The following DIAPH3 variants were observed in gnomAD, a reference collection of about 807,000 sequenced individuals.
The protein encoded by DIAPH3 is protein diaphanous homolog 3.
DIAPH3 carries 117 observed loss-of-function variants against 144.3 expected under a neutral mutation model. That is an observed-to-expected ratio of 0.81 (90% CI 0.70 to 0.95). DIAPH3 has a LOEUF of 0.95. Ranked by LOEUF, DIAPH3 falls within the 40% of genes least tolerant of loss-of-function variation. The pLI is 0.00. For synonymous variants in DIAPH3, 519 were observed against 488.9 expected (o/e 1.06, Z -0.81); for missense variants, 1,421 against 1,412.7 (o/e 1.01, Z -0.09).
At chr13:59,839,507 G>A (rs2042225741) in intron 22 of DIAPH3, 59 bp from the exon 23 acceptor site, 1 of 1,522,860 alleles carries the variant, frequency 6.6e-7, no homozygotes, top group South Asian at 1.2e-5. Flanking sequence ...TAAAAGGTAA[G>A]ACACCCTAGA....
At chr13:59,924,957 G>A in intron 17 of DIAPH3, 87 bp from the exon 18 acceptor site, 1 of 1,501,878 alleles carries the variant, frequency 6.7e-7, no homozygotes, top group Non-Finnish European at 9.0e-7. Flanking sequence ...CATTAAATAA[G>A]CTAAAAAGGA....
At chr13:59,730,958 T>A (rs145068470) in intron 27 of DIAPH3, among the ~76,000 whole-genome samples, 174 of 152,204 alleles carry the variant, frequency 1.1e-3, no homozygotes, top group African/African-American at 4.0e-3. Context: ...CCCTGCTAAT[T>A]TCTCTAACTG....
intron 26 of DIAPH3, 59 bp downstream of exon 26, chr13:59,774,669 A>G (rs1020352099): frequency 6.8e-7 from 1 of 1,481,388 alleles, no homozygotes; most frequent in African/African-American, 1.4e-5. Flanking sequence ...TGAGAAAAAC[A>G]GGATTCTTTC....
At chr13:60,022,104 G>A (rs538978626) in intron 5 of DIAPH3, among the ~76,000 whole-genome samples, 12 of 152,236 alleles carry the variant, frequency 7.9e-5, no homozygotes, top group African/African-American at 2.9e-4. Context: ...TATCTTGAAT[G>A]CTGCAACCTT....
At chr13:60,036,390 A>G (rs1307774245) in intron 5 of DIAPH3, among the ~76,000 whole-genome samples, 2 of 152,156 alleles carry the variant, frequency 1.3e-5, no homozygotes, top group Non-Finnish European at 2.9e-5. Flanking sequence ...CACTAACTAC[A>G]TGTGGCTCTC....
At chr13:59,716,146 C>A (rs1236572379) in intron 27 of DIAPH3, among the ~76,000 whole-genome samples, 1 of 151,686 alleles carries the variant, frequency 6.6e-6, no homozygotes, top group Non-Finnish European at 1.5e-5. Flanking sequence ...CTTACATTTA[C>A]AGGAATAATG....
chr13:59,864,063 G>C (rs1321508594), intron 21 of DIAPH3, among the ~76,000 whole-genome samples: 1 of 152,106 alleles, frequency 6.6e-6, no homozygotes, highest in Non-Finnish European at 1.5e-5. Context: ...AAAACTGGAA[G>C]AGTGGAGAAA....
intron 27 of DIAPH3, among the ~76,000 whole-genome samples, chr13:59,763,234 A>C (rs144877925): frequency 6.6e-6 from 1 of 151,730 alleles, no homozygotes; most frequent in African/African-American, 2.4e-5. Flanking sequence ...ACATGTGTGT[A>C]TATATATACA....
chr13:60,076,888 T>C (rs1594597833), intron 4 of DIAPH3, among the ~76,000 whole-genome samples: 2 of 152,108 alleles, frequency 1.3e-5, no homozygotes, highest in African/African-American at 2.4e-5. Context: ...TAAAATGATA[T>C]CTGAATTCTG....
chr13:60,032,440 G>T (rs934098624), intron 5 of DIAPH3, among the ~76,000 whole-genome samples: 12 of 152,168 alleles, frequency 7.9e-5, no homozygotes, highest in Non-Finnish European at 1.8e-4. Context: ...AAATCTAGGC[G>T]GAGGCTACCA....
At chr13:59,802,428 AATTT>A (rs2039950389) in intron 25 of DIAPH3, among the ~76,000 whole-genome samples, 1 of 151,394 alleles carries the variant, frequency 6.6e-6, no homozygotes, top group Non-Finnish European at 1.5e-5. Flanking sequence ...AATTTTAATT[AATTT>A]ACTTATCAAT....
chr13:60,129,292 T>A (rs903633940), intron 2 of DIAPH3, among the ~76,000 whole-genome samples: 1 of 152,154 alleles, frequency 6.6e-6, no homozygotes, highest in African/African-American at 2.4e-5. Context: ...GTATAAGCAA[T>A]GGAAGTTATA....
At chr13:60,035,457 G>A (rs1213892858) in intron 5 of DIAPH3, among the ~76,000 whole-genome samples, 1 of 152,196 alleles carries the variant, frequency 6.6e-6, no homozygotes, top group East Asian at 1.9e-4. Context: ...TGGAAGGACT[G>A]TGAAAGCATG....
intron 21 of DIAPH3, among the ~76,000 whole-genome samples, chr13:59,866,037 G>A (rs2043898577): frequency 6.6e-6 from 1 of 151,872 alleles, no homozygotes. Flanking sequence ...AGATGCTGTG[G>A]ACATTAGTGA....
chr13:59,798,893 G>A (rs1461524819), intron 25 of DIAPH3, among the ~76,000 whole-genome samples: 2 of 152,134 alleles, frequency 1.3e-5, no homozygotes, highest in Non-Finnish European at 2.9e-5. Flanking sequence ...GGTGTCTTGT[G>A]TCCAACATGC....
rs55727863 is a variant in DIAPH3, at chr13:60,070,444, T to TA, written c.495+23183dup. The stretch of plus-strand genomic sequence containing the variant: ...TTGACATAAAAACAGTTTTAGGGTT[T>TA]AAAAAAAAAAGTTGATCATGTCTAT... On this transcript the variant is annotated intron_variant, in intron 4 of 27. Coordinates refer to ENST00000400324, the MANE Select transcript of DIAPH3 (RefSeq NM_001042517.2). 5.8e-3 allele frequency among the ~76,000 whole-genome samples: 872 copies of TA among 149,456 alleles called. 7 individuals are homozygous for TA. The highest frequency in any genetic ancestry group is 0.02 in the African/African-American group (826 of 41,010).
At chr13:60,094,804 T>C (rs2058056505) in intron 3 of DIAPH3, among the ~76,000 whole-genome samples, 1 of 152,232 alleles carries the variant, frequency 6.6e-6, no homozygotes, top group South Asian at 2.1e-4. Context: ...CCCTTCATTT[T>C]ACCTTGATAG....
At chr13:59,851,850 C>A (rs1330305552) in intron 22 of DIAPH3, among the ~76,000 whole-genome samples, 2 of 152,118 alleles carry the variant, frequency 1.3e-5, no homozygotes, top group African/African-American at 4.8e-5. Context: ...AATCTCTTGA[C>A]CTCATGATCC....
intron 20 of DIAPH3, among the ~76,000 whole-genome samples, chr13:59,888,449 C>T (rs1232786226): frequency 6.6e-6 from 1 of 152,020 alleles, no homozygotes; most frequent in African/African-American, 2.4e-5. Context: ...ACCAAGACAA[C>T]CTCTTTTATC....
Sources: allele counts gnomAD v4.1 joint callset (sites outside exome capture counted in the v4.1 genomes callset), GRCh38; gene constraint gnomAD v4.1.1; transcripts MANE v1.5; gene names NCBI Gene and HGNC (gene_info 2026-07-23, HGNC 2026-07-21).